GLI3: variants seen among roughly 807,000 people sequenced by gnomAD.
GLI3 encodes GLI family zinc finger 3.
Under a neutral mutation model 100.8 loss-of-function variants are expected in GLI3, and 20 were observed. The ratio of observed to expected loss-of-function variants is 0.20; its 90% CI spans 0.14 to 0.29. The LOEUF (loss-of-function observed/expected upper bound fraction) is 0.29. GLI3 is among the 10% of genes least tolerant of loss of function. The pLI, the probability that GLI3 is intolerant of heterozygous loss-of-function variation, is 1.00. For synonymous variants in GLI3, 938 were observed against 860.5 expected, an observed-to-expected ratio of 1.09 and a Z score of -1.58; for missense variants, 2,040 against 2,128.5, an observed-to-expected ratio of 0.96 and a Z score of 0.82.
intron 4 of GLI3, among the ~76,000 whole-genome samples, chr7:42,054,103 G>A (rs1784405076): frequency 6.6e-6 from 1 of 152,100 alleles, no homozygotes; most frequent in Non-Finnish European, 1.5e-5. Context: ...ATTGCCCAGT[G>A]GAAACTGTTT....
rs1219107613 is a variant in GLI3 at position 41,964,492 on chromosome 7, G to C, written c.4581C>G (p.Ile1527Met). ...SLMSGALSPS[I>M]IQNLSHSSSR... ...AGGAGCTATGGGAAAGGTTCTGAAT[G>C]ATACTTGGGCTCAGGGCCCCCGACA... is the stretch of plus-strand genomic sequence containing the variant. The change falls in exon 15 of 15, where the codon ATC becomes ATG. Residue 1527 changes from isoleucine (I) to methionine (M), a missense_variant. Physicochemically the swap from Ile to Met is conservative, Grantham distance 10. Around this residue, in one of 5 missense-constraint regions of GLI3, gnomAD observed 1,041 missense variants for 924.0 expected, o/e 1.13. Coordinates refer to ENST00000395925, the MANE Select transcript of GLI3 (RefSeq NM_000168.6). 6.2e-7 allele frequency: 1 copy of C among 1,614,172 alleles called. No homozygotes were observed. The highest frequency in any genetic ancestry group is 1.7e-5 in the Admixed American group (1 of 60,030).
At chr7:42,207,206 ACAGC>A (rs1788173863) in intron 2 of GLI3, among the ~76,000 whole-genome samples, 1 of 152,174 alleles carries the variant, frequency 6.6e-6, no homozygotes, top group Non-Finnish European at 1.5e-5. Context: ...CCACCAAAAG[ACAGC>A]TACCTGGCAG....
At chr7:42,060,018 G>T (rs2128746652) in intron 4 of GLI3, among the ~76,000 whole-genome samples, 1 of 152,340 alleles carries the variant, frequency 6.6e-6, no homozygotes, top group South Asian at 2.1e-4. Flanking sequence ...GCTTAGGTTT[G>T]CCTGTTGGGT....
At chr7:42,225,881 T>G (rs1017588156) in intron 1 of GLI3, among the ~76,000 whole-genome samples, 1 of 152,202 alleles carries the variant, frequency 6.6e-6, no homozygotes, top group African/African-American at 2.4e-5. Context: ...GTATGCTCCA[T>G]GAGGACAAGG....
intron 3 of GLI3, among the ~76,000 whole-genome samples, chr7:42,128,108 T>C (rs1480011458): frequency 1.3e-5 from 2 of 150,960 alleles, no homozygotes; most frequent in Non-Finnish European, 3.0e-5. Flanking sequence ...TAATATGCAA[T>C]AAAAAAATAA....
chr7:42,192,070 G>A (rs1484872107), intron 2 of GLI3, among the ~76,000 whole-genome samples: 4 of 151,920 alleles, frequency 2.6e-5, no homozygotes, highest in Non-Finnish European at 5.9e-5. Flanking sequence ...ACAGAGACAT[G>A]TCATATTTCA....
At chr7:42,248,134 C>T (rs970689023) in intron 1 of GLI3, among the ~76,000 whole-genome samples, 7 of 152,192 alleles carry the variant, frequency 4.6e-5, no homozygotes, top group Admixed American at 3.9e-4. Flanking sequence ...AGCATACCTT[C>T]GAGTCCTTTC....
At chr7:42,085,885 G>A (rs1359804387) in intron 3 of GLI3, among the ~76,000 whole-genome samples, 1 of 152,200 alleles carries the variant, frequency 6.6e-6, no homozygotes, top group Non-Finnish European at 1.5e-5. Context: ...ATATTTGGAA[G>A]TCTCTGGAAG....
At chr7:42,251,178 C>A (rs11974010) in intron 1 of GLI3, among the ~76,000 whole-genome samples, 80,407 of 152,034 alleles carry the variant, frequency 0.53, 21,454 homozygotes, top group East Asian at 0.72. Flanking sequence ...CTGGTCCAGC[C>A]GCCCCCAACC....
At chr7:42,031,360 G>A (rs965469979) in intron 7 of GLI3, among the ~76,000 whole-genome samples, 7 of 152,234 alleles carry the variant, frequency 4.6e-5, no homozygotes, top group African/African-American at 1.7e-4. Context: ...GAAAGAAAGT[G>A]TTAGATGGCC....
At chr7:42,201,686 A>G (rs142131247) in intron 2 of GLI3, among the ~76,000 whole-genome samples, 179 of 152,326 alleles carry the variant, frequency 1.2e-3, no homozygotes, top group African/African-American at 4.1e-3. Flanking sequence ...TGCTCCCAGG[A>G]TACAAACCTG....
At chr7:42,184,866 C>T (rs2128684817) in intron 2 of GLI3, among the ~76,000 whole-genome samples, 1 of 152,284 alleles carries the variant, frequency 6.6e-6, no homozygotes, top group Middle Eastern at 3.4e-3. Context: ...GTGGGGTCAG[C>T]TGAGGCTGGC....
At chr7:42,257,975 A>G (rs1789102287) in intron 1 of GLI3, among the ~76,000 whole-genome samples, 1 of 152,144 alleles carries the variant, frequency 6.6e-6, no homozygotes, top group African/African-American at 2.4e-5. Context: ...AGAGTTTTCT[A>G]TGTTCATGAG....
At chr7:42,237,920 G>A (rs1409054982), upstream of GLI3, 1 of 147,790 alleles carries the variant, frequency 6.8e-6, no homozygotes, top group Non-Finnish European at 1.5e-5. Context: ...GGCCGGGGTC[G>A]GGGGCTGGGG....
At chr7:42,193,782 C>T (rs1336919596) in intron 2 of GLI3, among the ~76,000 whole-genome samples, 1 of 152,160 alleles carries the variant, frequency 6.6e-6, no homozygotes, top group East Asian at 1.9e-4. Flanking sequence ...TAAAAAATAA[C>T]TCTTGATTAC....
Position 41,965,918 on chromosome 7 carries a change from G to C in GLI3, c.3155C>G (p.Pro1052Arg), listed in dbSNP as rs2128705843. The part of the protein sequence containing the change: ...RSLVLQNYTR[P>R]EGGQSRNFHS... ...GAAGTTTCGGGACTGGCCGCCCTCG[G>C]GCCGCGTGTAATTCTGAAGCACGAG... The change falls in exon 15 of 15, where the codon CCC becomes CGC. Residue 1052 changes from proline (P) to arginine (R), a missense_variant. Pro to Arg is a moderately radical substitution (Grantham distance 103). Transcript: ENST00000395925. 9.3e-6 allele frequency: 15 copies of C among 1,613,470 alleles called. No individual in the cohort carries two copies. The highest frequency in any genetic ancestry group is 1.3e-5 in the Non-Finnish European group (15 of 1,179,950).
intron 4 of GLI3, among the ~76,000 whole-genome samples, chr7:42,073,223 C>A (rs1163045985): frequency 6.6e-6 from 1 of 152,114 alleles, no homozygotes; most frequent in Admixed American, 6.5e-5. Flanking sequence ...TGAATCCATT[C>A]AAGTTTCTAT....
intron 2 of GLI3, among the ~76,000 whole-genome samples, chr7:42,154,982 CTTTAA>C (rs1786966065): frequency 3.3e-5 from 5 of 152,194 alleles, no homozygotes; most frequent in Non-Finnish European, 5.9e-5. Context: ...TGTTTGCAAC[CTTTAA>C]ACTGCACTGC....
chr7:42,034,761 T>G (rs1789392386), intron 7 of GLI3, among the ~76,000 whole-genome samples: 1 of 152,170 alleles, frequency 6.6e-6, no homozygotes, highest in African/African-American at 2.4e-5. Flanking sequence ...GTCATTTCCT[T>G]TACAGCACTG....
Sources: allele counts gnomAD v4.1 joint callset (sites outside exome capture counted in the v4.1 genomes callset), GRCh38; gene constraint gnomAD v4.1.1; regional missense constraint gnomAD v4.1.1; transcripts MANE v1.5; gene names NCBI Gene and HGNC (gene_info 2026-07-23, HGNC 2026-07-21).